The following RPH3A variants were observed in gnomAD, a reference collection of about 807,000 sequenced individuals.
RPH3A encodes the protein rabphilin-3A.
RPH3A carries 48 observed loss-of-function variants against 102.2 expected under a neutral mutation model. That is an observed-to-expected ratio of 0.47 (90% CI 0.37 to 0.60). The LOEUF (loss-of-function observed/expected upper bound fraction) is 0.60. RPH3A is among the 20% of genes least tolerant of loss of function. The pLI is 0.00. For missense variants in RPH3A, 781 were observed against 910.1 expected (o/e 0.86, Z 1.83); for synonymous variants, 310 against 324.3 (o/e 0.96, Z 0.47).
At position 112,642,375 on chromosome 12, in the gene RPH3A, A is replaced by C. The variant is rs142418119; in HGVS notation, c.-140+67056A>C. On this transcript the variant is annotated intron_variant, in intron 1 of 21. Coordinates refer to the RPH3A transcript ENST00000543106. ...ATAGGGGTGCCAGATTTAGCAAATAAAAATTCAGGATACCCAGCTAGATTT... is the reference window on the plus strand; with the variant it reads ...ATAGGGGTGCCAGATTTAGCAAATACAAATTCAGGATACCCAGCTAGATTT... Among the ~76,000 whole-genome samples, 230 of 152,322 alleles carry C rather than the reference A, an allele frequency of 1.5e-3. 1 individual carries two copies. In the East Asian group the frequency reaches 0.02, roughly 13 times the overall value.
At chr12:112,742,435 C>A (rs964207095) in intron 1 of RPH3A, among the ~76,000 whole-genome samples, 2 of 151,758 alleles carry the variant, frequency 1.3e-5, no homozygotes, top group Non-Finnish European at 2.9e-5. Context: ...AATGTAGGGA[C>A]AAGACTGTTC....
In RPH3A at chr12:112,896,963, CT is replaced by C; in HGVS notation, c.*184del. ...GCCAAAGACTCCCTCCTCCCTGATG[CT>C]GGGATGTGGGCTCTGAATACAGCCC... On this transcript the variant is annotated 3_prime_UTR_variant, in exon 22 of 22. Transcript: ENST00000389385. The C allele has an allele frequency of 1.6e-6, 1 of 608,630 alleles. No individual in the cohort carries two copies. Among genetic ancestry groups the C allele is most frequent in the East Asian group, 2.9e-5 (1 of 34,594 alleles). The allele number at this position is 608,630 out of a possible 1,614,324, so 37.7% of individuals were successfully genotyped here.
chr12:112,879,350 A>G, intron 14 of RPH3A, 152 bp downstream of exon 14: 1 of 723,240 alleles, frequency 1.4e-6, no homozygotes, highest in Non-Finnish European at 2.2e-6. Flanking sequence ...AATTAGGCAA[A>G]TTCCTTTCTG....
chr12:112,662,765 C>CA (rs111751138), intron 1 of RPH3A, among the ~76,000 whole-genome samples: 20,761 of 113,302 alleles, frequency 0.18, 3,413 homozygotes, highest in African/African-American at 0.45. Context: ...ACTTTGCTTA[C>CA]AAAAAAAAAA....
rs73427077 is a variant in RPH3A at position 112,849,616 on chromosome 12, G to A, written c.230+1774G>A. ...TACATATTTTCTTTAAGTATTGTAC[G>A]TCTCTCCCCATTAGATTAAGATTCC... On this transcript the variant is annotated intron_variant, in intron 5 of 21. Coordinates refer to ENST00000389385, the MANE Select transcript of RPH3A (RefSeq NM_001143854.2). Among the ~76,000 whole-genome samples, 721 of 152,164 alleles carry A rather than the reference G, an allele frequency of 4.7e-3. 5 individuals are homozygous for A. The highest frequency in any genetic ancestry group is 0.017 in the African/African-American group (708 of 41,514).
In RPH3A at chr12:112,887,806, C is replaced by T. The variant is rs377433943; in HGVS notation, c.1446C>T (p.Val482=). The change falls in exon 17 of 22, where the codon GTC becomes GTT. Residue 482 remains valine, a synonymous_variant. Transcript: ENST00000389385. ...DMQRKTLRIS[V]CDEDKFGHNE... is the part of the protein sequence containing the mutation. ...CTTGTGTTGGTGGCAGGATCTCCGT[C>T]TGTGATGAGGACAAATTTGGCCACA... The T allele has an allele frequency of 7.4e-6, 12 of 1,613,444 alleles. No homozygotes were observed. The African/African-American group carries it at 1.3e-4, about 18-fold the overall frequency.
At chr12:112,842,076 C>T in intron 4 of RPH3A, 2 of 455,552 alleles carry the variant, frequency 4.4e-6, no homozygotes, top group South Asian at 3.1e-5. Context: ...CGTTTTGTTT[C>T]ATTCCATTGG....
At chr12:112,579,926 A>G (rs2039384816) in intron 1 of RPH3A, among the ~76,000 whole-genome samples, 1 of 152,046 alleles carries the variant, frequency 6.6e-6, no homozygotes. Flanking sequence ...CCCCATCTTC[A>G]TATTTCTAAT....
At chr12:112,825,548 TGG>T (rs2041853211) in intron 2 of RPH3A, among the ~76,000 whole-genome samples, 1 of 152,078 alleles carries the variant, frequency 6.6e-6, no homozygotes, top group South Asian at 2.1e-4. Flanking sequence ...TTACTCTTGG[TGG>T]GACCTTCAGA....
intron 3 of RPH3A, chr12:112,831,945 G>T: frequency 3.6e-6 from 1 of 275,644 alleles, no homozygotes; most frequent in Non-Finnish European, 7.4e-6. Flanking sequence ...TGTACTTCCT[G>T]AAACAGTGGA....
chr12:112,663,017 T>C (rs905777706), intron 1 of RPH3A, among the ~76,000 whole-genome samples: 20 of 148,416 alleles, frequency 1.3e-4, no homozygotes, highest in African/African-American at 1.3e-4. Flanking sequence ...GTGGCTATCA[T>C]GTAGAGTGAA....
intron 1 of RPH3A, among the ~76,000 whole-genome samples, chr12:112,607,977 G>T (rs916321723): frequency 2.6e-5 from 4 of 152,106 alleles, no homozygotes; most frequent in African/African-American, 7.2e-5. Context: ...CTAGTACCTG[G>T]TCTTAACTTT....
intron 19 of RPH3A, 23 bp downstream of exon 19, chr12:112,891,026 C>T: frequency 1.2e-6 from 2 of 1,613,460 alleles, no homozygotes; most frequent in South Asian, 1.1e-5. Context: ...CTTGGGGCTA[C>T]AGGTGGGCCC....
intron 5 of RPH3A, among the ~76,000 whole-genome samples, chr12:112,864,919 G>A (rs2042582301): frequency 1.3e-5 from 2 of 152,140 alleles, no homozygotes; most frequent in African/African-American, 2.4e-5. Context: ...CCCCTGCCAC[G>A]GGGTTTCTGG....
intron 1 of RPH3A, among the ~76,000 whole-genome samples, chr12:112,613,822 T>A (rs2039657096): frequency 6.6e-6 from 1 of 152,172 alleles, no homozygotes; most frequent in African/African-American, 2.4e-5. Context: ...TACACGCCTG[T>A]AATCCCAGCT....
At chr12:112,891,191 C>G in intron 19 of RPH3A, 188 bp downstream of exon 19, 1 of 633,784 alleles carries the variant, frequency 1.6e-6, no homozygotes, top group Non-Finnish European at 2.7e-6. Flanking sequence ...CTCAGGCAGT[C>G]AAACTGGTGT....
chr12:112,607,098 A>G (rs2039602321), intron 1 of RPH3A, among the ~76,000 whole-genome samples: 1 of 152,236 alleles, frequency 6.6e-6, no homozygotes, highest in Non-Finnish European at 1.5e-5. Flanking sequence ...TAAAGGCACC[A>G]CACACTGCTA....
rs1469459411 is a variant in RPH3A, at chr12:112,713,002, TTCCTCTTCCTCTTCC to T, written c.-139-79138_-139-79124del. On this transcript the variant is annotated intron_variant, in intron 1 of 21. Coordinates refer to the RPH3A transcript ENST00000543106. ...CTTCTTCGTCGTCTTTGTCTTCCTC[TTCCTCTTCCTCTTCC>T]TCTTCCTCTTCTTCTTCTTCTTCTT... 6.8e-3 allele frequency among the ~76,000 whole-genome samples: 597 copies of T among 87,292 alleles called. 33 individuals carry two copies. Among genetic ancestry groups the T allele is most frequent in the Non-Finnish European group, 7.3e-3 (327 of 45,102 alleles). 57.3% of individuals were successfully genotyped at this position (87,292 alleles called of 152,430 possible).
At chr12:112,764,215 C>A (rs2040872908) in intron 1 of RPH3A, among the ~76,000 whole-genome samples, 3 of 152,162 alleles carry the variant, frequency 2.0e-5, no homozygotes, top group Non-Finnish European at 4.4e-5. Flanking sequence ...GAAGACCCAG[C>A]CCCTCAATGA....
Sources: gnomAD v4.1 joint callset for allele counts (sites outside exome capture counted in the v4.1 genomes callset) on GRCh38, gnomAD v4.1.1 for gene constraint, MANE v1.5 for transcripts, NCBI Gene and HGNC (gene_info 2026-07-23, HGNC 2026-07-21) for gene names.